GNB1L: variants seen among roughly 807,000 people sequenced by gnomAD.
GNB1L encodes G protein subunit beta 1 like.
Under a neutral mutation model 29.1 loss-of-function variants are expected in GNB1L, and 20 were observed. The observed-to-expected ratio is 0.69, with a 90% CI of 0.48 to 1.00. The LOEUF is 1.00. GNB1L is among the 50% of genes least tolerant of loss of function. The probability of loss-of-function intolerance (pLI) is 0.00; values close to 1 mark genes in which losing one functional copy is unlikely to be tolerated. For synonymous variants in GNB1L, 193 were observed against 206.5 expected, an observed-to-expected ratio of 0.93 and a Z score of 0.56; for missense variants, 421 against 464.9, an observed-to-expected ratio of 0.91 and a Z score of 0.87.
At chr22:19,819,433 T>C (rs1036259597) in intron 4 of GNB1L, among the ~76,000 whole-genome samples, 2 of 152,196 alleles carry the variant, frequency 1.3e-5, no homozygotes, top group African/African-American at 2.4e-5. Context: ...CTGGGCTCAA[T>C]GCGGACCCCT....
intron 2 of GNB1L, chr22:19,852,056 C>G (rs762780973): frequency 6.8e-6 from 11 of 1,614,232 alleles, no homozygotes; most frequent in Admixed American, 1.7e-5. Context: ...ACAAGTGCCA[C>G]TAGCTGTGCT....
chr22:19,849,129 A>G, intron 2 of GNB1L: 1 of 985,426 alleles, frequency 1.0e-6, no homozygotes, highest in Non-Finnish European at 1.2e-6. Flanking sequence ...TCTGACCAGA[A>G]TCAAGACTGA....
intron 2 of GNB1L, among the ~76,000 whole-genome samples, chr22:19,822,547 G>C (rs550486604): frequency 6.6e-6 from 1 of 152,342 alleles, no homozygotes; most frequent in East Asian, 1.9e-4. Context: ...AGGGCTCAGA[G>C]GGAAAGGCCA....
At chr22:19,827,114 T>A (rs548863134) in intron 2 of GNB1L, among the ~76,000 whole-genome samples, 2 of 152,224 alleles carry the variant, frequency 1.3e-5, no homozygotes, top group East Asian at 3.9e-4. Context: ...GTAATCTGAA[T>A]ATGGACTACA....
intron 7 of GNB1L, among the ~76,000 whole-genome samples, chr22:19,794,344 T>A (rs1329556422): frequency 6.6e-6 from 1 of 151,818 alleles, no homozygotes; most frequent in Non-Finnish European, 1.5e-5. Context: ...AAAAGGTGAG[T>A]AGAAGGGATT....
Position 19,788,500 on chromosome 22 carries a change from AGG to A in GNB1L, c.*207_*208del. On this transcript the variant is annotated 3_prime_UTR_variant, in exon 8 of 8. Coordinates refer to ENST00000329517, the MANE Select transcript of GNB1L (RefSeq NM_053004.3). Reference sequence around the variant, plus strand: ...CGTCTCCTGCAGGCCTCGGACGGCCAGGGCTCTGGCTGGCCCCCAGAGTCACC... The same window carrying A: ...CGTCTCCTGCAGGCCTCGGACGGCCAGCTCTGGCTGGCCCCCAGAGTCACC... 1.4e-6 allele frequency: 1 copy of A among 697,876 alleles called. No individual in the cohort carries two copies. The highest frequency in any genetic ancestry group is 2.2e-5 in the Admixed American group (1 of 44,796). 43.2% of individuals were successfully genotyped at this position (697,876 alleles called of 1,614,324 possible).
At chr22:19,798,605 T>G (rs1937333709) in intron 7 of GNB1L, among the ~76,000 whole-genome samples, 1 of 152,160 alleles carries the variant, frequency 6.6e-6, no homozygotes, top group African/African-American at 2.4e-5. Flanking sequence ...AGATGCCCAG[T>G]TCCTCCTGCC....
rs1397896082 is a variant in GNB1L, at chr22:19,812,991, A to G, written c.255-544T>C. 2.0e-5 allele frequency among the ~76,000 whole-genome samples: 3 copies of G among 152,218 alleles called. No homozygotes were observed. In the East Asian group the frequency reaches 5.8e-4, roughly 29 times the overall value. On this transcript the variant is annotated intron_variant, in intron 4 of 7. Coordinates refer to ENST00000329517, the MANE Select transcript of GNB1L (RefSeq NM_053004.3). ...AGTTCTGAATCCTCTCCACGCGTAC[A>G]CCTGGTAGAACAGATGAGGAAACCA...
intron 7 of GNB1L, among the ~76,000 whole-genome samples, chr22:19,798,399 G>T (rs1197461155): frequency 6.6e-6 from 1 of 152,096 alleles, no homozygotes; most frequent in African/African-American, 2.4e-5. Flanking sequence ...CCCTAAGTCA[G>T]TGGTAGAGAG....
At position 19,821,395 on chromosome 22, in the gene GNB1L, G is replaced by A. The variant is rs1937578238; in HGVS notation, c.-20-20C>T. The A allele has an allele frequency of 3.1e-6, 5 of 1,605,248 alleles. No homozygotes were observed. Among genetic ancestry groups the A allele is most frequent in the Non-Finnish European group, 4.2e-6 (5 of 1,177,330 alleles). ...AGTTACCTGGGCACCAAGGGAGGGCGTGTGAGTGACTGCGTCCCTATTCTC... is the reference window on the plus strand; with the variant it reads ...AGTTACCTGGGCACCAAGGGAGGGCATGTGAGTGACTGCGTCCCTATTCTC... On this transcript the variant is annotated intron_variant, in intron 2 of 7. Coordinates refer to ENST00000329517, the MANE Select transcript of GNB1L (RefSeq NM_053004.3).
chr22:19,841,004 A>T (rs1937851755), intron 2 of GNB1L, among the ~76,000 whole-genome samples: 1 of 152,202 alleles, frequency 6.6e-6, no homozygotes, highest in Non-Finnish European at 1.5e-5. Flanking sequence ...GAAAAGTCTA[A>T]GAAGTTGTCC....
At chr22:19,795,142 C>T (rs1179625597) in intron 7 of GNB1L, among the ~76,000 whole-genome samples, 1 of 152,058 alleles carries the variant, frequency 6.6e-6, no homozygotes, top group Non-Finnish European at 1.5e-5. Context: ...AACTTCAAGA[C>T]AAAGAGCATT....
At chr22:19,843,559 C>T (rs937319503) in intron 2 of GNB1L, among the ~76,000 whole-genome samples, 1 of 152,212 alleles carries the variant, frequency 6.6e-6, no homozygotes, top group African/African-American at 2.4e-5. Flanking sequence ...GTATGCCCCC[C>T]AAGAACTCCT....
rs1010708293 is a variant in GNB1L at position 19,791,330 on chromosome 22, A to C, written c.733-2370T>G. On this transcript the variant is annotated intron_variant, in intron 7 of 7. Transcript: ENST00000329517. The stretch of plus-strand genomic sequence containing the variant: ...ATAGGAAAGTGTCTATAATTGAGAA[A>C]CTGGTACCAGACTAGTCTTCTTGCT... Among the ~76,000 whole-genome samples, 3 of 152,230 alleles carry C rather than the reference A, an allele frequency of 2.0e-5. No homozygotes were observed. In the East Asian group the frequency reaches 5.8e-4, roughly 29 times the overall value.
chr22:19,848,314 C>T, intron 2 of GNB1L: 1 of 985,446 alleles, frequency 1.0e-6, no homozygotes, highest in Non-Finnish European at 1.2e-6. Context: ...CAAACCCTGC[C>T]AGGCTCTGCA....
intron 2 of GNB1L, among the ~76,000 whole-genome samples, chr22:19,822,993 G>A (rs1937591198): frequency 6.6e-6 from 1 of 152,192 alleles, no homozygotes; most frequent in Admixed American, 6.5e-5. Flanking sequence ...GTGGACAGCA[G>A]CCAGTGCCCA....
Position 19,788,780 on chromosome 22 carries a change from C to T in GNB1L, c.913G>A (p.Ala305Thr), listed in dbSNP as rs200429426. The T allele has an allele frequency of 1.4e-4, 224 of 1,612,230 alleles. No individual in the cohort carries two copies. The highest frequency in any genetic ancestry group is 5.2e-4 in the South Asian group (47 of 91,034). ...GAGCCCGCGGCCAGCAAGCCATCGG[C>T]GGTGAAGGCCACGCACTGGACAGCG... ...SAAVQCVAFT[A>T]DGLLAAGSKD... Residue 305 changes from alanine to threonine, a missense_variant, in exon 8 of 8, where the codon GCC (alanine) becomes ACC (threonine). Ala to Thr is a moderately conservative substitution (Grantham distance 58). Transcript: ENST00000329517.
intron 2 of GNB1L, among the ~76,000 whole-genome samples, chr22:19,822,787 C>T (rs1937589640): frequency 6.6e-6 from 1 of 152,202 alleles, no homozygotes; most frequent in Admixed American, 6.5e-5. Flanking sequence ...GATGGGGGTG[C>T]AGGTTCAGAG....
rs1434014469 is a variant in GNB1L, at chr22:19,816,891, C to G, written c.254+3707G>C. 6.6e-6 allele frequency among the ~76,000 whole-genome samples: 1 copy of G among 152,200 alleles called. No homozygotes were observed. The highest frequency in any genetic ancestry group is 1.9e-4 in the East Asian group (1 of 5,194). On this transcript the variant is annotated intron_variant, in intron 4 of 7. Transcript: ENST00000329517. The surrounding 1 kb of genome is among the most constrained non-coding windows in gnomAD (Gnocchi z 4.4). ...GGCTGCCGCTGCCACACCACCCCCC[C>G]AACCCTGCTTCTTTGACTGCCTGGC...
Sources: gnomAD v4.1 joint callset for allele counts (sites outside exome capture counted in the v4.1 genomes callset) on GRCh38, gnomAD v4.1.1 for gene constraint, Gnocchi (gnomAD v3.1) non-coding constraint, MANE v1.5 for transcripts, NCBI Gene and HGNC (gene_info 2026-07-23, HGNC 2026-07-21) for gene names.